Variants in EYA3 observed in about 807,000 individuals in gnomAD.
EYA3 encodes the protein EYA transcriptional coactivator and phosphatase 3, also known as protein phosphatase EYA3.
Under a neutral mutation model 80.0 loss-of-function variants are expected in EYA3, and 39 were observed. That is an observed-to-expected ratio of 0.49 (90% CI 0.38 to 0.64). EYA3 has a LOEUF of 0.64. Ranked by LOEUF, EYA3 falls within the 30% of genes least tolerant of loss-of-function variation. The pLI, the probability that EYA3 is intolerant of heterozygous loss-of-function variation, is 0.00. For synonymous variants in EYA3, 206 were observed against 232.8 expected (o/e 0.88, Z 1.05); for missense variants, 523 against 676.1 (o/e 0.77, Z 2.51).
chr1:28,052,927 T>C (rs778846006), intron 2 of EYA3, among the ~76,000 whole-genome samples: 5 of 150,316 alleles, frequency 3.3e-5, no homozygotes, highest in African/African-American at 4.9e-5. Flanking sequence ...GGCAACAGAG[T>C]GAGGATTGCT....
intron 6 of EYA3, among the ~76,000 whole-genome samples, chr1:28,029,179 T>C (rs948572234): frequency 6.6e-6 from 1 of 152,218 alleles, no homozygotes; most frequent in Non-Finnish European, 1.5e-5. Flanking sequence ...TAACAATCTT[T>C]CTAAAATATA....
intron 1 of EYA3, among the ~76,000 whole-genome samples, chr1:28,063,208 C>T (rs1644699241): frequency 6.6e-6 from 1 of 151,358 alleles, no homozygotes; most frequent in South Asian, 2.1e-4. Context: ...TGACACAGTC[C>T]CACATAGAAA....
chr1:28,077,277 T>C (rs1037843926), intron 1 of EYA3, among the ~76,000 whole-genome samples: 10 of 151,808 alleles, frequency 6.6e-5, no homozygotes, highest in Non-Finnish European at 7.4e-5. Context: ...CTAAGTTTTT[T>C]GTATTTTCAG....
At chr1:27,989,452 A>C (rs928614263) in intron 15 of EYA3, among the ~76,000 whole-genome samples, 13 of 152,172 alleles carry the variant, frequency 8.5e-5, no homozygotes, top group African/African-American at 2.7e-4. Flanking sequence ...ACTGAGTTTT[A>C]ATTTCGTGAG....
At chr1:28,000,585 T>G (rs911486099) in intron 11 of EYA3, among the ~76,000 whole-genome samples, 4 of 152,048 alleles carry the variant, frequency 2.6e-5, no homozygotes, top group Non-Finnish European at 4.4e-5. Context: ...GTGCTGGGAT[T>G]ACAGGTGTGA....
intron 15 of EYA3, 62 bp from the exon 16 acceptor site, chr1:27,988,718 G>A (rs1237268801): frequency 2.3e-5 from 37 of 1,579,240 alleles, no homozygotes; most frequent in African/African-American, 4.1e-5. Flanking sequence ...GCAAGAATTC[G>A]TATGTGCCAA....
At chr1:28,011,767 C>T (rs1259446308) in intron 9 of EYA3, among the ~76,000 whole-genome samples, 6 of 152,138 alleles carry the variant, frequency 3.9e-5, no homozygotes, top group Admixed American at 2.0e-4. Flanking sequence ...AGAGATGAAA[C>T]ACAAAATACC....
intron 12 of EYA3, chr1:27,998,265 A>G (rs1349078570): frequency 2.4e-5 from 23 of 973,222 alleles, no homozygotes; most frequent in Non-Finnish European, 2.8e-5. Context: ...TATGCCCCCT[A>G]AAGTTGAGAA....
chr1:27,980,292 C>T (rs1289690082), intron 16 of EYA3, among the ~76,000 whole-genome samples: 1 of 152,198 alleles, frequency 6.6e-6, no homozygotes, highest in Non-Finnish European at 1.5e-5. Flanking sequence ...TTCCATTTCA[C>T]CCATTACAGC....
intron 3 of EYA3, among the ~76,000 whole-genome samples, chr1:28,043,327 T>A (rs12030121): frequency 8.9e-6 from 1 of 112,582 alleles, no homozygotes; most frequent in Non-Finnish European, 1.8e-5. Context: ...TTTGCTTTTT[T>A]GTGAAAAAAA....
intron 6 of EYA3, among the ~76,000 whole-genome samples, chr1:28,030,119 G>T (rs1223641541): frequency 6.6e-6 from 1 of 152,098 alleles, no homozygotes; most frequent in Admixed American, 6.5e-5. Flanking sequence ...TATAGCCAAT[G>T]AACACATATA....
At chr1:28,055,968 T>C (rs1048784165) in intron 2 of EYA3, among the ~76,000 whole-genome samples, 2 of 151,812 alleles carry the variant, frequency 1.3e-5, no homozygotes, top group African/African-American at 4.8e-5. Context: ...ACTCATATTT[T>C]AGATCTCCAC....
chr1:28,035,512 T>C (rs1291662048), intron 6 of EYA3, 32 bp downstream of exon 6: 3 of 1,600,256 alleles, frequency 1.9e-6, no homozygotes, highest in Admixed American at 3.5e-5. Context: ...AAATCAACAT[T>C]CTTAGAAATT....
intron 16 of EYA3, among the ~76,000 whole-genome samples, chr1:27,985,260 AAC>A (rs1491363354): frequency 1.8e-4 from 23 of 130,924 alleles, no homozygotes; most frequent in Non-Finnish European, 2.5e-4. Context: ...AAACAAAAAA[AAC>A]AAAAACAAAA....
At chr1:28,075,211 A>C (rs1019444064) in intron 1 of EYA3, among the ~76,000 whole-genome samples, 1 of 152,210 alleles carries the variant, frequency 6.6e-6, no homozygotes, top group Non-Finnish European at 1.5e-5. Flanking sequence ...CTACACATGC[A>C]CATAGCCTTC....
chr1:28,082,126 C>G (rs1645452137), intron 1 of EYA3, among the ~76,000 whole-genome samples: 1 of 152,066 alleles, frequency 6.6e-6, no homozygotes, highest in Non-Finnish European at 1.5e-5. Flanking sequence ...TATAAAAAAA[C>G]AGTATACTTA....
chr1:28,078,854 G>A (rs1281195163), intron 1 of EYA3, among the ~76,000 whole-genome samples: 1 of 152,118 alleles, frequency 6.6e-6, no homozygotes, highest in South Asian at 2.1e-4. Context: ...CCTGGTATTC[G>A]AGCCCAGGCA....
At chr1:28,068,112 G>A (rs1247276803) in intron 1 of EYA3, among the ~76,000 whole-genome samples, 1 of 151,888 alleles carries the variant, frequency 6.6e-6, no homozygotes, top group Non-Finnish European at 1.5e-5. Context: ...GAGGCAGGTG[G>A]ATCACCTGAG....
intron 1 of EYA3, among the ~76,000 whole-genome samples, chr1:28,076,554 T>C (rs944555090): frequency 2.0e-5 from 3 of 149,980 alleles, no homozygotes; most frequent in African/African-American, 7.4e-5. Context: ...CTACTAAAAA[T>C]ACAAAAATTA....
Sources: allele counts gnomAD v4.1 joint callset (sites outside exome capture counted in the v4.1 genomes callset), GRCh38; gene constraint gnomAD v4.1.1; transcripts MANE v1.5; gene names NCBI Gene and HGNC (gene_info 2026-07-23, HGNC 2026-07-21).